ZNF324B: variants seen among roughly 807,000 people sequenced by gnomAD.
The protein encoded by ZNF324B is zinc finger protein 324B.
A neutral mutation model predicts 10.6 loss-of-function variants in ZNF324B; 7 were observed. The observed-to-expected ratio is 0.66, with a 90% confidence interval of 0.38 to 1.24. The LOEUF is 1.24. Among genes scored for constraint, ZNF324B ranks in the 50% most tolerant of loss-of-function variants. ZNF324B has a pLI of 0.02. For synonymous variants in ZNF324B, 316 were observed against 321.0 expected (o/e 0.98, Z 0.17); for missense variants, 640 against 764.7 (o/e 0.84, Z 1.92).
At chr19:58,442,895 C>T in the ZNF324B span, 1 of 152,428 alleles carries the variant, frequency 6.6e-6, no homozygotes, top group Non-Finnish European at 1.5e-5. Flanking sequence ...AATAAAGCTT[C>T]TACAGCATGG....
At chr19:58,419,315 C>A in the ZNF324B span, 1 of 152,166 alleles carries the variant, frequency 6.6e-6, no homozygotes, top group African/African-American at 2.4e-5. Flanking sequence ...TCTCCAAAAT[C>A]TGGAACATGG....
chr19:58,434,786 A>G, the ZNF324B span: 1 of 1,614,198 alleles, frequency 6.2e-7, no homozygotes, highest in Non-Finnish European at 8.5e-7. Context: ...AGATTGGAAT[A>G]TGGCTTCTGC....
the ZNF324B span, chr19:58,433,151 G>C: frequency 1.5e-6 from 1 of 688,194 alleles, no homozygotes; most frequent in Non-Finnish European, 2.4e-6. Context: ...TATGCTGCAT[G>C]GGTGAGATGG....
At chr19:58,427,138 T>C in the ZNF324B span, among the ~76,000 whole-genome samples, 2 of 152,004 alleles carry the variant, frequency 1.3e-5, no homozygotes, top group Non-Finnish European at 2.9e-5. Context: ...TTATTTTTTA[T>C]TATTTTTTTG....
chr19:58,433,430 G>A, the ZNF324B span: 71 of 1,613,980 alleles, frequency 4.4e-5, no homozygotes, highest in Middle Eastern at 4.9e-4. Context: ...TTCTGGTGCC[G>A]AACAAGTGTA....
chr19:58,454,892 A>C (rs527278587), intron 3 of ZNF324B: 1 of 573,628 alleles, frequency 1.7e-6, no homozygotes, highest in Non-Finnish European at 3.2e-6. Flanking sequence ...TGGAACAGCC[A>C]GTGTGGAGAC....
chr19:58,433,335 C>T, the ZNF324B span: 1 of 1,611,966 alleles, frequency 6.2e-7, no homozygotes, highest in East Asian at 2.2e-5. Flanking sequence ...AGGTATGAAT[C>T]TTTTTATGCT....
chr19:58,434,925 G>A, the ZNF324B span: 2 of 1,614,138 alleles, frequency 1.2e-6, no homozygotes, highest in Non-Finnish European at 1.7e-6. Context: ...CCCTGTCCTT[G>A]TACCATCTAA....
At chr19:58,435,327 A>G in the ZNF324B span, 1 of 1,187,028 alleles carries the variant, frequency 8.4e-7, no homozygotes. Flanking sequence ...GATTGCTGAC[A>G]GGCCAACAGG....
Position 58,455,512 on chromosome 19 carries a change from A to G in ZNF324B, c.568A>G (p.Arg190Gly). Reference sequence around the variant, plus strand: ...GTACCGGGTGCCTGGGAGGCAGCCCAGGACGCCTGAGCGGCAGAAGCCATG... The same window carrying G: ...GTACCGGGTGCCTGGGAGGCAGCCCGGGACGCCTGAGCGGCAGAAGCCATG... ...TEYRVPGRQP[R>G]TPERQKPCAQ... Residue 190 changes from arginine to glycine, a missense_variant, in exon 4 of 4, where the codon AGG (arginine) becomes GGG (glycine). Physicochemically the swap from Arg to Gly is moderately radical, Grantham distance 125. This residue lies in a region of ZNF324B where 345 missense variants were observed against 387.9 expected (regional missense o/e 0.89). Transcript: ENST00000336614. The surrounding 1 kb of genome is among the most constrained non-coding windows in gnomAD (Gnocchi z 7.0). 6.2e-7 allele frequency: 1 copy of G among 1,614,078 alleles called. No homozygotes were observed. The highest frequency in any genetic ancestry group is 1.1e-5 in the South Asian group (1 of 91,090).
Position 58,451,652 on chromosome 19 carries a change from G to A in ZNF324B, c.-59G>A, listed in dbSNP as rs769375040. 3 of 515,440 alleles carry A rather than the reference G, an allele frequency of 5.8e-6. No individual in the cohort carries two copies. Among genetic ancestry groups the A allele is most frequent in the Non-Finnish European group, 1.2e-5 (3 of 258,274 alleles). The allele number at this position is 515,440 out of a possible 1,614,324, so 31.9% of individuals were successfully genotyped here. ...TTGGCTGCTCGCGTCAGGCCACACC[G>A]GTGGTCTGGGCTGTGGCGCGCGGGT... On this transcript the variant is annotated 5_prime_UTR_variant, in exon 1 of 4. Coordinates refer to ENST00000336614, the MANE Select transcript of ZNF324B (RefSeq NM_207395.3).
intron 1 of ZNF324B, chr19:58,452,032 C>A: frequency 4.8e-6 from 1 of 209,520 alleles, no homozygotes; most frequent in South Asian, 5.4e-5. Context: ...GACTGCGCCC[C>A]CACGGAGTGA....
At position 58,456,512 on chromosome 19, in the gene ZNF324B, A is replaced by G. The variant is rs1452905242; in HGVS notation, c.1568A>G (p.Gln523Arg). The change falls in exon 4 of 4, where the codon CAG becomes CGG. Residue 523 changes from glutamine (Q) to arginine (R), a missense_variant. Around this residue, in one of 3 missense-constraint regions of ZNF324B, gnomAD observed 238 missense variants for 258.0 expected, o/e 0.92. Transcript: ENST00000336614. The surrounding 1 kb of genome is among the most constrained non-coding windows in gnomAD (Gnocchi z 4.7). ...TGCACCCCGGGGCCAGGTTTCCTTC[A>G]GGGACATCATCGGAAGGTGCGCCGG... ...PDCTPGPGFLQGHHRKVRRGG... is the reference protein window; with the variant it reads ...PDCTPGPGFLRGHHRKVRRGG... The G allele has an allele frequency of 6.2e-7, 1 of 1,614,210 alleles. No individual in the cohort carries two copies. Among genetic ancestry groups the G allele is most frequent in the South Asian group, 1.1e-5 (1 of 91,082 alleles).
the ZNF324B span, among the ~76,000 whole-genome samples, chr19:58,423,129 A>G: frequency 5.3e-5 from 8 of 150,502 alleles, no homozygotes; most frequent in South Asian, 2.1e-4. Context: ...TCGGCCTCCC[A>G]AAGTGCTGGG....
At position 58,455,688 on chromosome 19, in the gene ZNF324B, G is replaced by A. The variant is rs1369266838; in HGVS notation, c.744G>A (p.Glu248=). ...CCTCGACCTGGGACGAGCTGGGCGA[G>A]GCTCTTCACGCTGGGGAGAAGTCCT... The part of the protein sequence containing the change: ...QEPSTWDELG[E]ALHAGEKSFE... Residue 248 remains glutamate, a synonymous_variant, in exon 4 of 4, where the codon GAG becomes GAA. Transcript: ENST00000336614. This position sits in a 1 kb window ranked among gnomAD's most constrained non-coding sequence, Gnocchi z 7.0. The A allele has an allele frequency of 1.2e-6, 2 of 1,613,548 alleles. No homozygotes were observed. The highest frequency in any genetic ancestry group is 1.7e-6 in the Non-Finnish European group (2 of 1,179,862).
intron 1 of ZNF324B, chr19:58,452,654 G>T (rs977675916): frequency 3.1e-6 from 3 of 968,244 alleles, no homozygotes; most frequent in Admixed American, 6.2e-5. Context: ...AAGATCAAGA[G>T]TCTGGGATGT....
chr19:58,454,322 C>T lies in ZNF324B; in HGVS notation c.216C>T (p.Asn72=), dbSNP rs2122354277. The T allele has an allele frequency of 6.2e-7, 1 of 1,613,806 alleles. No individual in the cohort carries two copies. The highest frequency in any genetic ancestry group is 8.5e-7 in the Non-Finnish European group (1 of 1,179,712). ...PSGKDMTLAR[N]TYGRLNSGSW... is the part of the protein sequence containing the mutation. ...GAAAGGACATGACCCTGGCCAGGAA[C>T]ACCTACGGGAGGCTCAACTCTGGTG... is the stretch of plus-strand genomic sequence containing the variant. Residue 72 remains asparagine, a synonymous_variant, in exon 3 of 4, where the codon AAC becomes AAT. Coordinates refer to ENST00000336614, the MANE Select transcript of ZNF324B (RefSeq NM_207395.3).
At chr19:58,439,564 G>A in the ZNF324B span, among the ~76,000 whole-genome samples, 1 of 152,338 alleles carries the variant, frequency 6.6e-6, no homozygotes, top group East Asian at 1.9e-4. Context: ...CCAGAAATGG[G>A]AATCCCTCGA....
At chr19:58,431,632 G>A in the ZNF324B span, among the ~76,000 whole-genome samples, 2 of 152,168 alleles carry the variant, frequency 1.3e-5, no homozygotes, top group Non-Finnish European at 2.9e-5. Flanking sequence ...TTGTATGGGG[G>A]AGGTCAAAGA....
Sources: allele counts gnomAD v4.1 joint callset (sites outside exome capture counted in the v4.1 genomes callset), GRCh38; gene constraint gnomAD v4.1.1; regional missense constraint gnomAD v4.1.1; non-coding constraint Gnocchi (gnomAD v3.1); transcripts MANE v1.5; gene names NCBI Gene and HGNC (gene_info 2026-07-23, HGNC 2026-07-21).